The following RBM20 variants were observed in gnomAD, a reference collection of about 807,000 sequenced individuals.
RBM20 encodes RNA binding motif protein 20.
In RBM20, 51 loss-of-function variants were observed where a neutral mutation model predicts 110.1. The ratio of observed to expected loss-of-function variants is 0.46; its 90% CI spans 0.37 to 0.59. RBM20 has a LOEUF of 0.59. Among genes scored for constraint, RBM20 ranks in the 20% least tolerant of loss-of-function variants. The pLI is 0.00. For synonymous variants in RBM20, 589 were observed against 618.2 expected (o/e 0.95, Z 0.70); for missense variants, 1,512 against 1,574.9 (o/e 0.96, Z 0.68).
At chr10:110,693,070 T>A (rs1048077085) in intron 1 of RBM20, among the ~76,000 whole-genome samples, 1 of 103,992 alleles carries the variant, frequency 9.6e-6, no homozygotes, top group African/African-American at 3.1e-5. Context: ...CATTGACTAA[T>A]TTTTTTATAT....
intron 1 of RBM20, among the ~76,000 whole-genome samples, chr10:110,757,766 A>G (rs1345690828): frequency 6.6e-6 from 1 of 152,076 alleles, no homozygotes; most frequent in Non-Finnish European, 1.5e-5. Context: ...GACTTTGTCT[A>G]CTCTGCTACT....
intron 13 of RBM20, among the ~76,000 whole-genome samples, chr10:110,833,080 C>A (rs1845076858): frequency 6.6e-6 from 1 of 152,146 alleles, no homozygotes; most frequent in South Asian, 2.1e-4. Flanking sequence ...TTTGTACCAG[C>A]TGGCATCTTT....
intron 1 of RBM20, among the ~76,000 whole-genome samples, chr10:110,656,407 C>T (rs149800245): frequency 3.7e-4 from 56 of 152,268 alleles, no homozygotes; most frequent in African/African-American, 1.3e-3. Context: ...AACCACTGAT[C>T]TGCTTTCTTT....
intron 7 of RBM20, among the ~76,000 whole-genome samples, chr10:110,802,110 C>T (rs1055061164): frequency 6.6e-6 from 1 of 152,144 alleles, no homozygotes; most frequent in Non-Finnish European, 1.5e-5. Context: ...TTCTACTGTT[C>T]CATTTAATAG....
chr10:110,746,776 G>C (rs1429914810), intron 1 of RBM20, among the ~76,000 whole-genome samples: 3 of 152,122 alleles, frequency 2.0e-5, no homozygotes, highest in Non-Finnish European at 4.4e-5. Flanking sequence ...CCCAAATGGG[G>C]GACTGGAGTA....
rs139736407 is a variant in RBM20 at position 110,822,053 on chromosome 10, G to T, written c.3316+118G>T. The T allele has an allele frequency of 3.3e-4, 339 of 1,030,550 alleles. 4 individuals carry two copies. The African/African-American group carries it at 5.0e-3, about 15-fold the overall frequency. The allele number at this position is 1,030,550 out of a possible 1,614,324, so 63.8% of individuals were successfully genotyped here. A position where few individuals can be genotyped will look rare whatever the true frequency, so the allele number is the denominator to read the frequency against. On this transcript the variant is annotated intron_variant, in intron 11 of 13. Coordinates refer to ENST00000369519, the MANE Select transcript of RBM20 (RefSeq NM_001134363.3). ...AAGTAAGGTTTCAACTAGCATTAAA[G>T]TGGGTGCAGAAAGTGATTTAGCAAC...
chr10:110,749,202 T>G (rs1300714488), intron 1 of RBM20, among the ~76,000 whole-genome samples: 1 of 152,204 alleles, frequency 6.6e-6, no homozygotes, highest in Non-Finnish European at 1.5e-5. Context: ...AGCACAAGGA[T>G]GGAAAGTAAG....
chr10:110,746,852 A>G (rs1214510837), intron 1 of RBM20, among the ~76,000 whole-genome samples: 1 of 152,244 alleles, frequency 6.6e-6, no homozygotes, highest in East Asian at 1.9e-4. Context: ...TTTGTAATAA[A>G]AAAATTGTTT....
At chr10:110,827,612 A>C (rs1844998408) in intron 12 of RBM20, among the ~76,000 whole-genome samples, 1 of 152,114 alleles carries the variant, frequency 6.6e-6, no homozygotes, top group South Asian at 2.1e-4. Context: ...CTCTGCTTGG[A>C]TTTCTTCATC....
In RBM20 at chr10:110,821,884, C is replaced by G. The variant is rs147356378; in HGVS notation, c.3265C>G (p.Pro1089Ala). The G allele has an allele frequency of 4.1e-4, 640 of 1,551,732 alleles. 3 individuals carry two copies. The African/African-American group carries it at 7.8e-3, about 19-fold the overall frequency. The stretch of plus-strand genomic sequence containing the variant: ...CCCCCTGGAGGAGAAAGCCAGCCCC[C>G]CCATCGAAACTGACCTCCAAAACCA... ...GSPLEEKASP[P>A]IETDLQNQAC... The change falls in exon 11 of 14, where the codon CCC (proline) becomes GCC (alanine). Residue 1089 changes from proline (P) to alanine (A), a missense_variant. Coordinates refer to ENST00000369519, the MANE Select transcript of RBM20 (RefSeq NM_001134363.3).
intron 1 of RBM20, among the ~76,000 whole-genome samples, chr10:110,733,189 AC>A (rs1428818787): frequency 2.8e-4 from 43 of 152,304 alleles, no homozygotes; most frequent in African/African-American, 1.0e-3. Flanking sequence ...TTTACTACTT[AC>A]TTGAAGTTGT....
intron 1 of RBM20, among the ~76,000 whole-genome samples, chr10:110,691,815 C>T (rs2419578): frequency 0.94 from 142,937 of 152,260 alleles, 67,769 homozygotes; most frequent in East Asian, 1. Context: ...TTATTGCCTG[C>T]GCCTTTTGTG....
chr10:110,688,406 A>G (rs529399001), intron 1 of RBM20, among the ~76,000 whole-genome samples: 1 of 152,270 alleles, frequency 6.6e-6, no homozygotes, highest in Non-Finnish European at 1.5e-5. Flanking sequence ...CATGCATCAT[A>G]CTTGTTTGTT....
Position 110,644,687 on chromosome 10 carries a change from G to A in RBM20, c.191+42G>A. The A allele has an allele frequency of 7.2e-7, 1 of 1,386,074 alleles. No homozygotes were observed. Among genetic ancestry groups the A allele is most frequent in the Non-Finnish European group, 9.5e-7 (1 of 1,055,112 alleles). The allele number at this position is 1,386,074 out of a possible 1,614,324, so 85.9% of individuals were successfully genotyped here. A position where few individuals can be genotyped will look rare whatever the true frequency, so the allele number is the denominator to read the frequency against. ...GAACAGGGACCACGGGTGCGCCTGG[G>A]GACACGCCCCGAGAGCCCCCTTTGT... On this transcript the variant is annotated intron_variant, in intron 1 of 13. Transcript: ENST00000369519. This position sits in a 1 kb window ranked among gnomAD's most constrained non-coding sequence, Gnocchi z 4.3.
At chr10:110,745,281 C>T (rs10885036) in intron 1 of RBM20, among the ~76,000 whole-genome samples, 52,417 of 152,082 alleles carry the variant, frequency 0.34, 9,977 homozygotes, top group East Asian at 0.51. Context: ...CTCCTGTGCT[C>T]CACATCCCAG....
At chr10:110,823,404 AG>A in intron 11 of RBM20, 75 bp from the exon 12 acceptor site, 1 of 1,475,004 alleles carries the variant, frequency 6.8e-7, no homozygotes, top group Non-Finnish European at 9.0e-7. Context: ...ATAGAATTTC[AG>A]GGACTCTTTG....
intron 1 of RBM20, among the ~76,000 whole-genome samples, chr10:110,727,415 A>AAAAAAAAAATAAAT (rs1590639611): frequency 4.3e-5 from 2 of 46,406 alleles, no homozygotes; most frequent in Admixed American, 2.5e-4. Context: ...ATAAAAATAA[A>AAAAAAAAAATAAAT]AAAAAAATAA....
intron 7 of RBM20, 42 bp downstream of exon 7, chr10:110,799,960 A>C: frequency 6.5e-7 from 1 of 1,542,818 alleles, no homozygotes. Flanking sequence ...AACAAGCACC[A>C]GATGAGTTTC....
At chr10:110,714,275 T>C (rs1452427219) in intron 1 of RBM20, among the ~76,000 whole-genome samples, 1 of 152,152 alleles carries the variant, frequency 6.6e-6, no homozygotes, top group Non-Finnish European at 1.5e-5. Flanking sequence ...AATGTAACCA[T>C]ATCTGCAGTT....
Sources: gnomAD v4.1 joint callset for allele counts (sites outside exome capture counted in the v4.1 genomes callset) on GRCh38, gnomAD v4.1.1 for gene constraint, Gnocchi (gnomAD v3.1) non-coding constraint, MANE v1.5 for transcripts, NCBI Gene and HGNC (gene_info 2026-07-23, HGNC 2026-07-21) for gene names.